The following CTNNA3 variants were observed in gnomAD, a reference collection of about 807,000 sequenced individuals.
The protein encoded by CTNNA3 is catenin alpha 3.
Under a neutral mutation model 95.7 loss-of-function variants are expected in CTNNA3, and 76 were observed. That is an observed-to-expected ratio of 0.79 (90% CI 0.66 to 0.96). The LOEUF (loss-of-function observed/expected upper bound fraction) is 0.96, where lower values mean the gene tolerates loss of function less well. Ranked by LOEUF, CTNNA3 falls within the 40% of genes least tolerant of loss-of-function variation. The pLI is 0.00. For missense variants in CTNNA3, 1,191 were observed against 1,089.8 expected, an observed-to-expected ratio of 1.09 and a Z score of -1.31; for synonymous variants, 431 against 374.4, an observed-to-expected ratio of 1.15 and a Z score of -1.74.
intron 10 of CTNNA3, among the ~76,000 whole-genome samples, chr10:66,521,846 C>A (rs1242029037): frequency 6.6e-6 from 1 of 152,144 alleles, no homozygotes; most frequent in Non-Finnish European, 1.5e-5. Context: ...TGTTTCATCT[C>A]CTGTTACAAT....
chr10:66,015,601 G>T (rs76284430), intron 15 of CTNNA3, among the ~76,000 whole-genome samples: 1 of 149,656 alleles, frequency 6.7e-6, no homozygotes, highest in Non-Finnish European at 1.5e-5. Flanking sequence ...CAACTTTTTC[G>T]TTACCTACAT....
chr10:66,008,460 A>T (rs2078940247), intron 15 of CTNNA3, among the ~76,000 whole-genome samples: 1 of 152,226 alleles, frequency 6.6e-6, no homozygotes, highest in Admixed American at 6.5e-5. Context: ...CTGGCATCCG[A>T]AAGGCGTCCC....
intron 5 of CTNNA3, among the ~76,000 whole-genome samples, chr10:67,284,297 G>A (rs1168611189): frequency 1.3e-5 from 2 of 152,176 alleles, no homozygotes; most frequent in African/African-American, 4.8e-5. Flanking sequence ...CATTTCAAAA[G>A]TACTCCCCTG....
intron 7 of CTNNA3, among the ~76,000 whole-genome samples, chr10:67,032,753 A>T (rs1187414078): frequency 6.6e-6 from 1 of 152,074 alleles, no homozygotes; most frequent in Non-Finnish European, 1.5e-5. Flanking sequence ...AATGTCTTTG[A>T]TGTCAACAAA....
At chr10:67,755,802 CAAA>C (rs201336788) in intron 1 of CTNNA3, among the ~76,000 whole-genome samples, 2 of 58,768 alleles carry the variant, frequency 3.4e-5, no homozygotes, top group African/African-American at 5.9e-5. Context: ...GTCTCTGCCT[CAAA>C]AAAAAAAAAA....
intron 7 of CTNNA3, among the ~76,000 whole-genome samples, chr10:66,972,103 G>A (rs887458714): frequency 6.6e-6 from 1 of 151,918 alleles, no homozygotes; most frequent in Non-Finnish European, 1.5e-5. Flanking sequence ...GTTTAGTGTT[G>A]CCATAGCACA....
At chr10:67,691,612 C>T (rs1840855687) in intron 1 of CTNNA3, among the ~76,000 whole-genome samples, 1 of 151,708 alleles carries the variant, frequency 6.6e-6, no homozygotes, top group African/African-American at 2.4e-5. Context: ...GACCCTCTGC[C>T]TGGCAACCGC....
chr10:67,102,265 G>C (rs1417013370), intron 7 of CTNNA3, among the ~76,000 whole-genome samples: 1 of 151,664 alleles, frequency 6.6e-6, no homozygotes, highest in East Asian at 1.9e-4. Flanking sequence ...CAAAGGTAGG[G>C]TACCTGGACA....
chr10:67,638,354 T>C (rs768862805), intron 2 of CTNNA3, among the ~76,000 whole-genome samples: 1 of 152,110 alleles, frequency 6.6e-6, no homozygotes, highest in Non-Finnish European at 1.5e-5. Flanking sequence ...CCCAGATTCA[T>C]AAAGCAAGTC....
At chr10:67,222,121 T>C (rs746756869) in intron 5 of CTNNA3, among the ~76,000 whole-genome samples, 3 of 152,184 alleles carry the variant, frequency 2.0e-5, no homozygotes, top group Non-Finnish European at 4.4e-5. Context: ...GGTTAATAAA[T>C]GGCTTGTGCT....
intron 6 of CTNNA3, among the ~76,000 whole-genome samples, chr10:67,201,376 A>G (rs1451113815): frequency 2.6e-5 from 4 of 152,202 alleles, no homozygotes; most frequent in African/African-American, 9.6e-5. Flanking sequence ...TCTGCAGGAC[A>G]TGACATATGC....
intron 10 of CTNNA3, among the ~76,000 whole-genome samples, chr10:66,608,463 T>A (rs564653783): frequency 5.3e-5 from 8 of 152,056 alleles, no homozygotes; most frequent in Non-Finnish European, 1.2e-4. Flanking sequence ...AAAATTCATA[T>A]GGAACAAAAA....
At chr10:65,961,116 A>T (rs945893106) in intron 17 of CTNNA3, among the ~76,000 whole-genome samples, 2 of 152,040 alleles carry the variant, frequency 1.3e-5, no homozygotes, top group Non-Finnish European at 2.9e-5. Flanking sequence ...ACATTTCTCA[A>T]TTACTGCCAC....
intron 11 of CTNNA3, among the ~76,000 whole-genome samples, chr10:66,493,599 A>ATTTTTTTTTTTTTTTTTTTTTTTTTTT (rs528761424): frequency 2.7e-5 from 3 of 112,022 alleles, no homozygotes; most frequent in African/African-American, 1.1e-4. Flanking sequence ...TAACTACAGT[A>ATTTTTTTTTTTTTTTTTTTTTTTTTTT]TTTTTTTTTT....
chr10:67,579,957 C>T (rs1342194099), intron 3 of CTNNA3, among the ~76,000 whole-genome samples: 1 of 152,134 alleles, frequency 6.6e-6, no homozygotes, highest in Non-Finnish European at 1.5e-5. Context: ...GATATTAGCC[C>T]TTTGTCAGAT....
In CTNNA3 at chr10:66,267,084, A is replaced by C. The variant is rs372957091; in HGVS notation, c.1884+13386T>G. 3.0e-4 allele frequency among the ~76,000 whole-genome samples: 46 copies of C among 152,170 alleles called. No homozygotes were observed. The South Asian group carries it at 9.1e-3, about 30-fold the overall frequency. On this transcript the variant is annotated intron_variant, in intron 13 of 17. Coordinates refer to ENST00000433211, the MANE Select transcript of CTNNA3 (RefSeq NM_013266.4). ...GCGGCTTAAGGCAGGTGACTGAGGA[A>C]CTGAAAGGGATGACTATGCTGCCAT... is the stretch of plus-strand genomic sequence containing the variant.
chr10:66,764,514 G>A (rs187977412), intron 9 of CTNNA3, among the ~76,000 whole-genome samples: 7 of 152,242 alleles, frequency 4.6e-5, no homozygotes, highest in Admixed American at 1.3e-4. Context: ...AGAATTGTTC[G>A]ACCAAGGCAC....
chr10:66,603,045 C>T (rs1207361943), intron 10 of CTNNA3, among the ~76,000 whole-genome samples: 1 of 152,054 alleles, frequency 6.6e-6, no homozygotes, highest in Non-Finnish European at 1.5e-5. Flanking sequence ...TCTACGATGC[C>T]CACTTTTGCC....
rs972825563 is a variant in CTNNA3 at position 67,010,160 on chromosome 10, C to T, written c.1047+170157G>A. ...ATTACAAGAAAAATAAACACACACG[C>T]ATATGCACTAAAGCAGAAGATTACA... On this transcript the variant is annotated intron_variant, in intron 7 of 17. Transcript: ENST00000433211. 3.3e-5 allele frequency among the ~76,000 whole-genome samples: 5 copies of T among 152,102 alleles called. No homozygotes were observed. In the East Asian group the frequency reaches 9.6e-4, roughly 29 times the overall value.
Sources: gnomAD v4.1 joint callset for allele counts (sites outside exome capture counted in the v4.1 genomes callset) on GRCh38, gnomAD v4.1.1 for gene constraint, MANE v1.5 for transcripts, NCBI Gene and HGNC (gene_info 2026-07-23, HGNC 2026-07-21) for gene names.